RGL1: variants seen among roughly 807,000 people sequenced by gnomAD.
RGL1 encodes the protein ral guanine nucleotide dissociation stimulator like 1.
Under a neutral mutation model 95.2 loss-of-function variants are expected in RGL1, and 24 were observed. The ratio of observed to expected loss-of-function variants is 0.25; its 90% CI spans 0.18 to 0.35. The LOEUF is 0.35. Ranked by LOEUF, RGL1 falls within the 10% of genes least tolerant of loss-of-function variation. The pLI is 1.00. For missense variants in RGL1, 715 were observed against 936.3 expected (o/e 0.76, Z 3.08); for synonymous variants, 329 against 344.9 (o/e 0.95, Z 0.51).
In RGL1 at chr1:183,862,298, G is replaced by A. The variant is rs552759142; in HGVS notation, c.348-3698G>A. 5.3e-5 allele frequency among the ~76,000 whole-genome samples: 8 copies of A among 152,306 alleles called. 1 individual carries two copies. Among genetic ancestry groups the A allele is most frequent in the Non-Finnish European group, 1.0e-4 (7 of 68,020 alleles). ...GCTTGCTCAAACCTAGAAGGACAAG[G>A]CTACAGTGAGCCATGACTGTGCCAC... On this transcript the variant is annotated intron_variant, in intron 3 of 17. Transcript: ENST00000360851.
intron 17 of RGL1, among the ~76,000 whole-genome samples, chr1:183,923,030 G>A (rs1211757200): frequency 6.6e-6 from 1 of 152,180 alleles, no homozygotes; most frequent in Non-Finnish European, 1.5e-5. Context: ...AAACAGGCTG[G>A]TAGAAAACTC....
chr1:183,865,716 CTCTAA>C (rs1251275261), intron 3 of RGL1, among the ~76,000 whole-genome samples: 16 of 152,146 alleles, frequency 1.1e-4, no homozygotes, highest in African/African-American at 3.9e-4. Context: ...GATAGGAACA[CTCTAA>C]TCTAAAAAAG....
intron 1 of RGL1, among the ~76,000 whole-genome samples, chr1:183,656,223 C>G (rs778824815): frequency 1.3e-5 from 2 of 151,386 alleles, no homozygotes; most frequent in Non-Finnish European, 2.9e-5. Flanking sequence ...TAAAAACCAA[C>G]TGTTCTGCTC....
At chr1:183,828,257 C>G (rs1405726792) in intron 2 of RGL1, among the ~76,000 whole-genome samples, 1 of 152,148 alleles carries the variant, frequency 6.6e-6, no homozygotes. Context: ...AATATGCAAT[C>G]TAAATATTTG....
chr1:183,847,575 G>A lies in RGL1; in HGVS notation c.148G>A (p.Asp50Asn). Residue 50 changes from aspartate (D) to asparagine (N), a missense_variant, in exon 3 of 18, where the codon GAC becomes AAC. This residue lies in a region of RGL1 where 381 missense variants were observed against 484.8 expected (regional missense o/e 0.79). Coordinates refer to ENST00000360851, the MANE Select transcript of RGL1 (RefSeq NM_001297671.3). Reference sequence around the variant, plus strand: ...TTAATTTATTATACAGGTTGAAGGGGACCAGCTGCCTCCAGGACACACAGT... The same window carrying A: ...TTAATTTATTATACAGGTTGAAGGGAACCAGCTGCCTCCAGGACACACAGT... Reference protein sequence around the residue: ...KGARWLGVEGDQLPPGHTVSQ... With the variant: ...KGARWLGVEGNQLPPGHTVSQ... 2 of 1,613,800 alleles carry A rather than the reference G, an allele frequency of 1.2e-6. No individual in the cohort carries two copies. Among genetic ancestry groups the A allele is most frequent in the Non-Finnish European group, 1.7e-6 (2 of 1,179,780 alleles).
At chr1:183,798,652 A>G (rs1660818366) in intron 2 of RGL1, among the ~76,000 whole-genome samples, 1 of 152,098 alleles carries the variant, frequency 6.6e-6, no homozygotes, top group African/African-American at 2.4e-5. Flanking sequence ...GTAGATCCCT[A>G]GAAGGTATTC....
rs531975848 is a variant in RGL1 at position 183,714,237 on chromosome 1, G to A, written c.-32-27889G>A. 5.9e-5 allele frequency among the ~76,000 whole-genome samples: 9 copies of A among 152,194 alleles called. No individual in the cohort carries two copies. The South Asian group carries it at 8.3e-4, about 14-fold the overall frequency. ...TGATGTTAACTTAACCCTACTACTG[G>A]GTTTTCCATTTTTTTGCATTTGAAT... is the stretch of plus-strand genomic sequence containing the variant. On this transcript the variant is annotated intron_variant, in intron 1 of 18. Coordinates refer to the RGL1 transcript ENST00000304685.
chr1:183,646,176 T>G (rs922449620), intron 1 of RGL1, among the ~76,000 whole-genome samples: 3 of 152,200 alleles, frequency 2.0e-5, no homozygotes, highest in Non-Finnish European at 4.4e-5. Context: ...GAAATAAAAA[T>G]AAACCTCAAC....
intron 9 of RGL1, among the ~76,000 whole-genome samples, chr1:183,894,672 G>A (rs1311846180): frequency 2.6e-5 from 4 of 151,954 alleles, no homozygotes; most frequent in Non-Finnish European, 5.9e-5. Flanking sequence ...ATTTATGGTT[G>A]GGTAACAATA....
At chr1:183,903,902 A>G (rs571958934) in intron 12 of RGL1, among the ~76,000 whole-genome samples, 9 of 152,350 alleles carry the variant, frequency 5.9e-5, no homozygotes, top group African/African-American at 2.2e-4. Flanking sequence ...ATGATGGTAA[A>G]TATTCCTTGA....
In RGL1 at chr1:183,821,987, CCTG is replaced by C. The variant is rs137961616; in HGVS notation, c.138+15504_138+15506del. Among the ~76,000 whole-genome samples the C allele has an allele frequency of 1.1e-3, 164 of 152,176 alleles. 1 individual carries two copies. The highest frequency in any genetic ancestry group is 3.4e-3 in the Middle Eastern group (1 of 294). The stretch of plus-strand genomic sequence containing the variant: ...AATCTAGAAGCATGTCTGTCTTCTT[CCTG>C]CCTGACAGAAAACATGTCCTTACAG... On this transcript the variant is annotated intron_variant, in intron 2 of 17. Coordinates refer to ENST00000360851, the MANE Select transcript of RGL1 (RefSeq NM_001297671.3).
chr1:183,902,431 A>T (rs1368305423), intron 11 of RGL1, 137 bp from the exon 12 acceptor site: 1 of 575,856 alleles, frequency 1.7e-6, no homozygotes, highest in African/African-American at 1.9e-5. Flanking sequence ...CTTCTTCCAC[A>T]GTAGTCGTAA....
chr1:183,906,567 TTTAGATA>T (rs1420614610), intron 13 of RGL1, among the ~76,000 whole-genome samples: 15 of 152,210 alleles, frequency 9.9e-5, no homozygotes, highest in Non-Finnish European at 2.2e-4. Flanking sequence ...CTTCATTTTC[TTTAGATA>T]AAACTAAGTC....
chr1:183,733,029 TCTC>T (rs1191240732), intron 1 of RGL1, among the ~76,000 whole-genome samples: 1 of 152,136 alleles, frequency 6.6e-6, no homozygotes, highest in African/African-American at 2.4e-5. Flanking sequence ...AACAGCTGCT[TCTC>T]CTCTGATATA....
At chr1:183,717,406 A>G (rs918282260) in intron 1 of RGL1, among the ~76,000 whole-genome samples, 1 of 152,202 alleles carries the variant, frequency 6.6e-6, no homozygotes, top group African/African-American at 2.4e-5. Flanking sequence ...GAGTATATTT[A>G]TAATAAAAGT....
intron 2 of RGL1, among the ~76,000 whole-genome samples, chr1:183,830,376 A>G (rs1017764472): frequency 6.6e-6 from 1 of 152,242 alleles, no homozygotes; most frequent in Non-Finnish European, 1.5e-5. Context: ...TTTCATGCAG[A>G]AAGTATTGGA....
chr1:183,658,391 G>T (rs12095136), intron 1 of RGL1, among the ~76,000 whole-genome samples: 1 of 152,180 alleles, frequency 6.6e-6, no homozygotes, highest in African/African-American at 2.4e-5. Context: ...AAAAAACGGC[G>T]CACCAGGAGA....
intron 14 of RGL1, among the ~76,000 whole-genome samples, chr1:183,911,068 G>C (rs1285354965): frequency 6.6e-6 from 1 of 152,178 alleles, no homozygotes; most frequent in Non-Finnish European, 1.5e-5. Context: ...TGTATCACGA[G>C]TTTATCTTTA....
chr1:183,837,856 G>A (rs1461268997), intron 2 of RGL1, among the ~76,000 whole-genome samples: 2 of 152,136 alleles, frequency 1.3e-5, no homozygotes, highest in East Asian at 1.9e-4. Context: ...CATAAGAAGT[G>A]TACAACCTAG....
Sources: gnomAD v4.1 joint callset for allele counts (sites outside exome capture counted in the v4.1 genomes callset) on GRCh38, gnomAD v4.1.1 for gene constraint, gnomAD v4.1.1 regional missense constraint, MANE v1.5 for transcripts, NCBI Gene and HGNC (gene_info 2026-07-23, HGNC 2026-07-21) for gene names.